The following BTC variants were observed in gnomAD, a reference collection of about 807,000 sequenced individuals.
BTC encodes betacellulin.
A neutral mutation model predicts 18.1 loss-of-function variants in BTC; 13 were observed. That is an observed-to-expected ratio of 0.72 (90% confidence interval 0.47 to 1.14). The LOEUF (loss-of-function observed/expected upper bound fraction) is 1.14. BTC is among the 50% of genes most tolerant of loss of function. BTC has a pLI of 0.00. For synonymous variants in BTC, 83 were observed against 79.4 expected, an observed-to-expected ratio of 1.05 and a Z score of -0.24; for missense variants, 247 against 224.2, an observed-to-expected ratio of 1.10 and a Z score of -0.65.
At chr4:74,751,793 C>A (rs1378644801) in intron 3 of BTC, among the ~76,000 whole-genome samples, 1 of 151,972 alleles carries the variant, frequency 6.6e-6, no homozygotes, top group Non-Finnish European at 1.5e-5. Context: ...AACCTTAGTA[C>A]CTTAGTATTA....
At chr4:74,749,828 G>T (rs991078837) in intron 4 of BTC, among the ~76,000 whole-genome samples, 5 of 149,852 alleles carry the variant, frequency 3.3e-5, no homozygotes, top group African/African-American at 1.2e-4. Flanking sequence ...AGGTACAGTG[G>T]CTCACTCCTG....
chr4:74,770,860 T>A (rs904267479), intron 1 of BTC, among the ~76,000 whole-genome samples: 2 of 151,786 alleles, frequency 1.3e-5, no homozygotes, highest in Admixed American at 6.6e-5. Context: ...ATAGATATTT[T>A]AAAGTATGAT....
At chr4:74,792,580 T>TA (rs1251534778) in intron 1 of BTC, among the ~76,000 whole-genome samples, 1 of 152,218 alleles carries the variant, frequency 6.6e-6, no homozygotes, top group Non-Finnish European at 1.5e-5. Flanking sequence ...GGTGTGTGTT[T>TA]AATAGCTTAT....
Position 74,745,919 on chromosome 4 carries a change from G to T in BTC, c.*758C>A, listed in dbSNP as rs1291526035. 6.6e-6 allele frequency: 1 copy of T among 152,098 alleles called. No homozygotes were observed. Among genetic ancestry groups the T allele is most frequent in the Non-Finnish European group, 1.5e-5 (1 of 67,992 alleles). 9.4% of individuals were successfully genotyped at this position (152,098 alleles called of 1,614,324 possible). A position where few individuals can be genotyped will look rare whatever the true frequency, so the allele number is the denominator to read the frequency against. ...CATTGAGAATTTATAAAGGAGCAAA[G>T]AAACATAATAAAAGCCAATTCTATA... is the stretch of plus-strand genomic sequence containing the variant. On this transcript the variant is annotated 3_prime_UTR_variant, in exon 6 of 6. Transcript: ENST00000395743.
intron 1 of BTC, among the ~76,000 whole-genome samples, chr4:74,776,026 T>G (rs1013849856): frequency 1.2e-4 from 19 of 152,200 alleles, no homozygotes; most frequent in African/African-American, 4.6e-4. Flanking sequence ...GAGCTCCCCA[T>G]AGCATATCAG....
chr4:74,783,574 G>C (rs1725394670), intron 1 of BTC, among the ~76,000 whole-genome samples: 1 of 148,132 alleles, frequency 6.8e-6, no homozygotes. Flanking sequence ...GAATGTGCTG[G>C]GGCTATTCGG....
chr4:74,754,938 A>AACACACAC (rs33972204), intron 3 of BTC, among the ~76,000 whole-genome samples: 46,053 of 149,836 alleles, frequency 0.31, 7,821 homozygotes, highest in East Asian at 0.47. Flanking sequence ...TATCCCTCTC[A>AACACACAC]ACACACACAC....
chr4:74,757,296 A>G (rs377229664), intron 2 of BTC, among the ~76,000 whole-genome samples: 3 of 152,226 alleles, frequency 2.0e-5, no homozygotes, highest in Non-Finnish European at 4.4e-5. Context: ...TGATCTAAAT[A>G]CTGCAAATTC....
intron 1 of BTC, among the ~76,000 whole-genome samples, chr4:74,780,645 A>G (rs1394259367): frequency 6.6e-6 from 1 of 152,202 alleles, no homozygotes; most frequent in Non-Finnish European, 1.5e-5. Flanking sequence ...TCATAGTAAG[A>G]TATCAGTCCG....
rs782328196 is a variant in BTC at position 74,755,987 on chromosome 4, A to T, written c.164-11T>A. 1 of 1,598,726 alleles carries T rather than the reference A, an allele frequency of 6.3e-7. No homozygotes were observed. Among genetic ancestry groups the T allele is most frequent in the Non-Finnish European group, 8.6e-7 (1 of 1,166,078 alleles). On this transcript the variant is annotated splice_polypyrimidine_tract_variant and intron_variant, in intron 2 of 5. Coordinates refer to ENST00000395743, the MANE Select transcript of BTC (RefSeq NM_001729.4). ...ATTGTGTGGTGGTAGCTGGAAAATG[A>T]GAAAAAGTTCAATAAATCAACTCTC...
At chr4:74,789,144 C>A (rs569529294) in intron 1 of BTC, among the ~76,000 whole-genome samples, 1 of 152,322 alleles carries the variant, frequency 6.6e-6, no homozygotes, top group African/African-American at 2.4e-5. Flanking sequence ...AGGAACTGGG[C>A]TATAACTGTA....
At chr4:74,759,193 T>C (rs2109887811) in intron 2 of BTC, among the ~76,000 whole-genome samples, 1 of 152,250 alleles carries the variant, frequency 6.6e-6, no homozygotes, top group African/African-American at 2.4e-5. Flanking sequence ...ACCCATCCAT[T>C]CCAGAGATAT....
chr4:74,793,976 C>T (rs1393983544), intron 1 of BTC, among the ~76,000 whole-genome samples: 2 of 151,924 alleles, frequency 1.3e-5, no homozygotes, highest in Non-Finnish European at 2.9e-5. Context: ...CACAAGTCAG[C>T]AGCTGGCGGC....
Position 74,794,389 on chromosome 4 carries a change from C to A in BTC, c.-64G>T, listed in dbSNP as rs1292459658. 1 of 1,440,006 alleles carries A rather than the reference C, an allele frequency of 6.9e-7. No individual in the cohort carries two copies. The allele number at this position is 1,440,006 out of a possible 1,614,324, so 89.2% of individuals were successfully genotyped here. On this transcript the variant is annotated 5_prime_UTR_variant, in exon 1 of 6. Transcript: ENST00000395743. ...TCTCCCTCCTTCTTCGCCCCCTTCC[C>A]GGGCCTCGGGCGCCTGAGAGGGTGC...
intron 1 of BTC, among the ~76,000 whole-genome samples, chr4:74,772,027 G>A (rs1295729376): frequency 6.6e-6 from 1 of 152,158 alleles, no homozygotes; most frequent in African/African-American, 2.4e-5. Flanking sequence ...AAATAAAGCA[G>A]ACCACAGAAT....
At chr4:74,749,221 A>G (rs1441431363) in intron 4 of BTC, among the ~76,000 whole-genome samples, 1 of 152,106 alleles carries the variant, frequency 6.6e-6, no homozygotes, top group Non-Finnish European at 1.5e-5. Flanking sequence ...ACTTGAGGTC[A>G]GGAGTTACCA....
chr4:74,784,231 C>CG (rs1725416357), intron 1 of BTC, among the ~76,000 whole-genome samples: 1 of 116,364 alleles, frequency 8.6e-6, no homozygotes, highest in East Asian at 2.4e-4. Flanking sequence ...GATTCTCTCT[C>CG]GAAAAAAAAA....
intron 3 of BTC, among the ~76,000 whole-genome samples, chr4:74,752,687 C>T (rs1553956313): frequency 6.6e-6 from 1 of 151,948 alleles, no homozygotes; most frequent in Non-Finnish European, 1.5e-5. Flanking sequence ...CCGGGAATCA[C>T]TTTTAATTGC....
intron 1 of BTC, among the ~76,000 whole-genome samples, chr4:74,789,139 C>G (rs774002008): frequency 9.2e-5 from 14 of 152,226 alleles, no homozygotes; most frequent in Non-Finnish European, 1.8e-4. Context: ...TACATAGGAA[C>G]TGGGCTATAA....
Sources: allele counts gnomAD v4.1 joint callset (sites outside exome capture counted in the v4.1 genomes callset), GRCh38; gene constraint gnomAD v4.1.1; transcripts MANE v1.5; gene names NCBI Gene and HGNC (gene_info 2026-07-23, HGNC 2026-07-21).